Variants in FBXO8 observed in about 807,000 individuals in gnomAD.
FBXO8 encodes F-box protein 8.
A neutral mutation model predicts 33.4 loss-of-function variants in FBXO8; 15 were observed. That is an observed-to-expected ratio of 0.45 (90% CI 0.30 to 0.69). The LOEUF (loss-of-function observed/expected upper bound fraction) is 0.69. FBXO8 is among the 30% of genes least tolerant of loss of function. The probability of loss-of-function intolerance (pLI) is 0.08; values close to 1 mark genes in which losing one functional copy is unlikely to be tolerated. For synonymous variants in FBXO8, 132 were observed against 131.5 expected, an observed-to-expected ratio of 1.00 and a Z score of -0.02; for missense variants, 274 against 380.3, an observed-to-expected ratio of 0.72 and a Z score of 2.32.
rs1736275084 is a variant in FBXO8 at position 174,251,052 on chromosome 4, G to C, written c.456+8647C>G. On this transcript the variant is annotated intron_variant, in intron 3 of 5. Coordinates refer to ENST00000393674, the MANE Select transcript of FBXO8 (RefSeq NM_012180.3). This position sits in a 1 kb window ranked among gnomAD's most constrained non-coding sequence, Gnocchi z 4.2. ...AAAAAGCTCAATGTACCACTGTAAA[G>C]TCTCTAGTTACAATTACTTAAATTG... is the stretch of plus-strand genomic sequence containing the variant. 6.6e-6 allele frequency among the ~76,000 whole-genome samples: 1 copy of C among 152,084 alleles called. No individual in the cohort carries two copies. Among genetic ancestry groups the C allele is most frequent in the Non-Finnish European group, 1.5e-5 (1 of 68,018 alleles).
chr4:174,278,714 A>C lies in FBXO8; in HGVS notation c.-9+4696T>G, dbSNP rs2126452193. Among the ~76,000 whole-genome samples the C allele has an allele frequency of 6.6e-6, 1 of 152,250 alleles. No individual in the cohort carries two copies. Among genetic ancestry groups the C allele is most frequent in the Non-Finnish European group, 1.5e-5 (1 of 67,946 alleles). On this transcript the variant is annotated intron_variant, in intron 1 of 5. Transcript: ENST00000393674. The surrounding 1 kb of genome is among the most constrained non-coding windows in gnomAD (Gnocchi z 4.1). Reference sequence around the variant, plus strand: ...ACATACTCACCTGCCCACTAACCACAAAGGCCATTGCTATGAGTGCTATGG... The same window carrying C: ...ACATACTCACCTGCCCACTAACCACCAAGGCCATTGCTATGAGTGCTATGG...
At position 174,262,646 on chromosome 4, in the gene FBXO8, T is replaced by C. The variant is rs1269253964; in HGVS notation, c.329+118A>G. ...TTTTTCCAGGTTTTAATAAAGAGCA[T>C]CTCAAAGTACAAGCCCAAGTTTAAA... On this transcript the variant is annotated intron_variant, in intron 2 of 5. Transcript: ENST00000393674. The surrounding 1 kb of genome is among the most constrained non-coding windows in gnomAD (Gnocchi z 4.6). 1 of 830,068 alleles carries C rather than the reference T, an allele frequency of 1.2e-6. No homozygotes were observed. The highest frequency in any genetic ancestry group is 1.7e-5 in the African/African-American group (1 of 57,776). The allele number at this position is 830,068 out of a possible 1,614,324, so 51.4% of individuals were successfully genotyped here.
In FBXO8 at chr4:174,265,063, T is replaced by C. The variant is rs1736662046; in HGVS notation, c.-8-1963A>G. 6.6e-6 allele frequency among the ~76,000 whole-genome samples: 1 copy of C among 152,028 alleles called. No homozygotes were observed. Among genetic ancestry groups the C allele is most frequent in the Admixed American group, 6.6e-5 (1 of 15,262 alleles). On this transcript the variant is annotated intron_variant, in intron 1 of 5. Coordinates refer to ENST00000393674, the MANE Select transcript of FBXO8 (RefSeq NM_012180.3). The surrounding 1 kb of genome is among the most constrained non-coding windows in gnomAD (Gnocchi z 4.7). ...GTGAGGGAACTGAAAATAACATAAC[T>C]ATGAGATACTACTACACACCCATTA...
Position 174,270,180 on chromosome 4 carries a change from A to G in FBXO8, c.-8-7080T>C, listed in dbSNP as rs1218358139. Among the ~76,000 whole-genome samples the G allele has an allele frequency of 6.6e-6, 1 of 152,196 alleles. No individual in the cohort carries two copies. Among genetic ancestry groups the G allele is most frequent in the Non-Finnish European group, 1.5e-5 (1 of 68,040 alleles). On this transcript the variant is annotated intron_variant, in intron 1 of 5. Transcript: ENST00000393674. The surrounding 1 kb of genome is among the most constrained non-coding windows in gnomAD (Gnocchi z 4.6). ...ATGCCACATTAGCCGAGACAGAGCT[A>G]TTTTATTAAATTAATCTCATGTATA...
chr4:174,264,354 T>C (rs1736639722), intron 1 of FBXO8, among the ~76,000 whole-genome samples: 1 of 152,158 alleles, frequency 6.6e-6, no homozygotes, highest in African/African-American at 2.4e-5. Flanking sequence ...AGATTGTTGT[T>C]GATTAAAACA....
At position 174,259,664 on chromosome 4, in the gene FBXO8, G is replaced by A. The variant is rs774321072; in HGVS notation, c.456+35C>T. 21 of 1,598,324 alleles carry A rather than the reference G, an allele frequency of 1.3e-5. No homozygotes were observed. Among genetic ancestry groups the A allele is most frequent in the Non-Finnish European group, 1.8e-5 (21 of 1,174,912 alleles). ...AAGCTGCAGCAAGATAGTAATAAAG[G>A]TCACTGGATACAAATATTCAAGTTC... On this transcript the variant is annotated intron_variant, in intron 3 of 5. Transcript: ENST00000393674. This position sits in a 1 kb window ranked among gnomAD's most constrained non-coding sequence, Gnocchi z 4.3.
At position 174,247,606 on chromosome 4, in the gene FBXO8, C is replaced by T. The variant is rs1422740439; in HGVS notation, c.457-6388G>A. Among the ~76,000 whole-genome samples, 2 of 151,932 alleles carry T rather than the reference C, an allele frequency of 1.3e-5. No individual in the cohort carries two copies. Among genetic ancestry groups the T allele is most frequent in the African/African-American group, 4.8e-5 (2 of 41,382 alleles). On this transcript the variant is annotated intron_variant, in intron 3 of 5. Transcript: ENST00000393674. This position sits in a 1 kb window ranked among gnomAD's most constrained non-coding sequence, Gnocchi z 4.6. ...ACCAATATATTATTTTTCAAGTATA[C>T]ATTTTAACCACAGTGAAACTAACTG...
intron 4 of FBXO8, among the ~76,000 whole-genome samples, chr4:174,239,759 G>A (rs1382463205): frequency 3.3e-5 from 5 of 151,488 alleles, no homozygotes; most frequent in Non-Finnish European, 5.9e-5. Context: ...CTGTCTAATG[G>A]ATGCAACAAT....
In FBXO8 at chr4:174,236,663, C is replaced by T. The variant is rs894636764; in HGVS notation, c.*749G>A. Reference sequence around the variant, plus strand: ...CACATATAAGCAAGCAAACATTTACCAGAGTTCTAATAATATTTTATTTTA... The same window carrying T: ...CACATATAAGCAAGCAAACATTTACTAGAGTTCTAATAATATTTTATTTTA... On this transcript the variant is annotated 3_prime_UTR_variant, in exon 6 of 6. Coordinates refer to ENST00000393674, the MANE Select transcript of FBXO8 (RefSeq NM_012180.3). 6.6e-6 allele frequency: 1 copy of T among 151,750 alleles called. No individual in the cohort carries two copies. The highest frequency in any genetic ancestry group is 6.6e-5 in the Admixed American group (1 of 15,240). 9.4% of individuals were successfully genotyped at this position (151,750 alleles called of 1,614,324 possible). A position where few individuals can be genotyped will look rare whatever the true frequency, so the allele number is the denominator to read the frequency against.
At chr4:174,280,940 G>C (rs1737071700) in intron 1 of FBXO8, among the ~76,000 whole-genome samples, 1 of 152,164 alleles carries the variant, frequency 6.6e-6, no homozygotes, top group Non-Finnish European at 1.5e-5. Context: ...GAGTAATGAA[G>C]ATAGATGGTG....
Position 174,270,979 on chromosome 4 carries a change from A to T in FBXO8, c.-8-7879T>A, listed in dbSNP as rs985685494. Among the ~76,000 whole-genome samples, 1 of 152,200 alleles carries T rather than the reference A, an allele frequency of 6.6e-6. No individual in the cohort carries two copies. The highest frequency in any genetic ancestry group is 1.5e-5 in the Non-Finnish European group (1 of 68,032). Reference sequence around the variant, plus strand: ...AAGATATCAATTGGACAGGAAACAGAAGAAACAATTTTTGGACTCACTTTT... The same window carrying T: ...AAGATATCAATTGGACAGGAAACAGTAGAAACAATTTTTGGACTCACTTTT... On this transcript the variant is annotated intron_variant, in intron 1 of 5. Coordinates refer to ENST00000393674, the MANE Select transcript of FBXO8 (RefSeq NM_012180.3). The surrounding 1 kb of genome is among the most constrained non-coding windows in gnomAD (Gnocchi z 4.6).
chr4:174,238,848 T>C, intron 5 of FBXO8, 146 bp downstream of exon 5: 1 of 493,816 alleles, frequency 2.0e-6, no homozygotes, highest in Non-Finnish European at 3.5e-6. Flanking sequence ...AATGATGAAG[T>C]AGTCAGTCAC....
chr4:174,252,782 T>C lies in FBXO8; in HGVS notation c.456+6917A>G, dbSNP rs913430068. Among the ~76,000 whole-genome samples the C allele has an allele frequency of 1.3e-5, 2 of 151,610 alleles. No individual in the cohort carries two copies. The highest frequency in any genetic ancestry group is 4.9e-5 in the African/African-American group (2 of 41,226). ...CAGCACTTTGGGAGGCCGAGGCAGG[T>C]GGGTCACTTGAGGCAAACCTGTCTC... On this transcript the variant is annotated intron_variant, in intron 3 of 5. Coordinates refer to ENST00000393674, the MANE Select transcript of FBXO8 (RefSeq NM_012180.3). This position sits in a 1 kb window ranked among gnomAD's most constrained non-coding sequence, Gnocchi z 5.1.
rs972706621 is a variant in FBXO8 at position 174,252,690 on chromosome 4, T to C, written c.456+7009A>G. On this transcript the variant is annotated intron_variant, in intron 3 of 5. Transcript: ENST00000393674. The surrounding 1 kb of genome is among the most constrained non-coding windows in gnomAD (Gnocchi z 5.1). ...ACACACACACACGCACAGACAATAC[T>C]ACCTCTTTGTGTCTCTTTTTTAAAC... 4.6e-5 allele frequency among the ~76,000 whole-genome samples: 7 copies of C among 152,090 alleles called. No homozygotes were observed. The East Asian group carries it at 1.2e-3, about 25-fold the overall frequency.
rs1444336939 is a variant in FBXO8 at position 174,237,285 on chromosome 4, G to A, written c.*127C>T. On this transcript the variant is annotated 3_prime_UTR_variant, in exon 6 of 6. Coordinates refer to ENST00000393674, the MANE Select transcript of FBXO8 (RefSeq NM_012180.3). This position sits in a 1 kb window ranked among gnomAD's most constrained non-coding sequence, Gnocchi z 4.4. Reference sequence around the variant, plus strand: ...ATAGAAAATGGCAAAAGAAAAAAAGGTTGCACACTGAAGCTTGATTGTATA... The same window carrying A: ...ATAGAAAATGGCAAAAGAAAAAAAGATTGCACACTGAAGCTTGATTGTATA... 5 of 678,576 alleles carry A rather than the reference G, an allele frequency of 7.4e-6. No individual in the cohort carries two copies. In the South Asian group the frequency reaches 1.1e-4, roughly 15 times the overall value. The allele number at this position is 678,576 out of a possible 1,614,324, so 42.0% of individuals were successfully genotyped here. A position where few individuals can be genotyped will look rare whatever the true frequency, so the allele number is the denominator to read the frequency against.
chr4:174,250,462 A>G (rs1736261025), intron 3 of FBXO8, among the ~76,000 whole-genome samples: 1 of 152,124 alleles, frequency 6.6e-6, no homozygotes, highest in Admixed American at 6.6e-5. Context: ...CAAAGGTCAG[A>G]GTCACCAATC....
rs536683078 is a variant in FBXO8 at position 174,272,387 on chromosome 4, T to C, written c.-8-9287A>G. 1.3e-5 allele frequency among the ~76,000 whole-genome samples: 2 copies of C among 152,368 alleles called. No homozygotes were observed. Among genetic ancestry groups the C allele is most frequent in the South Asian group, 4.1e-4 (2 of 4,828 alleles). The stretch of plus-strand genomic sequence containing the variant: ...GATGTAAATGCTATGTAAATAGTTG[T>C]TATACTGTATTCTAAAATTTGTATT... On this transcript the variant is annotated intron_variant, in intron 1 of 5. Coordinates refer to ENST00000393674, the MANE Select transcript of FBXO8 (RefSeq NM_012180.3). This position sits in a 1 kb window ranked among gnomAD's most constrained non-coding sequence, Gnocchi z 4.7.
rs969474795 is a variant in FBXO8 at position 174,281,660 on chromosome 4, C to A, written c.-9+1750G>T. ...TGAGTCTTGTTCGCACCACTGCACT[C>A]CAGCCTGGGCAACAGAATAAAAATC... On this transcript the variant is annotated intron_variant, in intron 1 of 5. Transcript: ENST00000393674. The surrounding 1 kb of genome is among the most constrained non-coding windows in gnomAD (Gnocchi z 4.6). Among the ~76,000 whole-genome samples the A allele has an allele frequency of 3.3e-5, 5 of 152,172 alleles. No homozygotes were observed. The highest frequency in any genetic ancestry group is 9.7e-5 in the African/African-American group (4 of 41,436).
Position 174,267,387 on chromosome 4 carries a change from T to C in FBXO8, c.-8-4287A>G, listed in dbSNP as rs978102837. On this transcript the variant is annotated intron_variant, in intron 1 of 5. Transcript: ENST00000393674. The surrounding 1 kb of genome is among the most constrained non-coding windows in gnomAD (Gnocchi z 4.7). Reference sequence around the variant, plus strand: ...CAACATAGACCCCGTTTCAACAAAATACAAAAAAAGTTAGCTAGGTGCGAT... The same window carrying C: ...CAACATAGACCCCGTTTCAACAAAACACAAAAAAAGTTAGCTAGGTGCGAT... Among the ~76,000 whole-genome samples the C allele has an allele frequency of 1.3e-5, 2 of 151,814 alleles. No homozygotes were observed. The highest frequency in any genetic ancestry group is 2.9e-5 in the Non-Finnish European group (2 of 67,930).
Sources: allele counts gnomAD v4.1 joint callset (sites outside exome capture counted in the v4.1 genomes callset), GRCh38; gene constraint gnomAD v4.1.1; non-coding constraint Gnocchi (gnomAD v3.1); transcripts MANE v1.5; gene names NCBI Gene and HGNC (gene_info 2026-07-23, HGNC 2026-07-21).